Variants in CFTR observed in about 807,000 individuals in gnomAD.
CFTR encodes cystic fibrosis transmembrane conductance regulator.
In CFTR, 181 loss-of-function variants were observed where a neutral mutation model predicts 171.6. The ratio of observed to expected loss-of-function variants is 1.05; its 90% CI spans 0.93 to 1.19. CFTR has a LOEUF of 1.19. Ranked by LOEUF, CFTR falls within the 50% of genes most tolerant of loss-of-function variation. The pLI is 0.00. For missense variants in CFTR, 1,968 were observed against 1,734.7 expected (o/e 1.13, Z -2.39); for synonymous variants, 583 against 608.0 (o/e 0.96, Z 0.60).
intron 3 of CFTR, among the ~76,000 whole-genome samples, chr7:117,523,657 G>A (rs775865476): frequency 2.4e-4 from 36 of 152,100 alleles, no homozygotes; most frequent in Admixed American, 3.3e-4. Context: ...GATTACAGGC[G>A]TGAGCCACCG....
At chr7:117,626,422 A>G (rs1353772550) in intron 21 of CFTR, among the ~76,000 whole-genome samples, 2 of 152,246 alleles carry the variant, frequency 1.3e-5, no homozygotes, top group East Asian at 3.9e-4. Flanking sequence ...TGGTGTAAAT[A>G]AGATGATGTG....
chr7:117,589,010 A>G (rs1791988943), intron 12 of CFTR, among the ~76,000 whole-genome samples: 1 of 152,134 alleles, frequency 6.6e-6, no homozygotes, highest in African/African-American at 2.4e-5. Context: ...GATAGAGTAT[A>G]TGGCTTCTAG....
At chr7:117,621,613 A>C (rs947298732) in intron 21 of CFTR, among the ~76,000 whole-genome samples, 1 of 152,234 alleles carries the variant, frequency 6.6e-6, no homozygotes, top group African/African-American at 2.4e-5. Flanking sequence ...GATGAGGCTT[A>C]ATGACAGAGT....
At chr7:117,666,627 C>G (rs1793380429) in intron 26 of CFTR, among the ~76,000 whole-genome samples, 1 of 152,048 alleles carries the variant, frequency 6.6e-6, no homozygotes, top group South Asian at 2.1e-4. Flanking sequence ...TTATAAGGGA[C>G]CTAATATTTT....
intron 11 of CFTR, among the ~76,000 whole-genome samples, chr7:117,565,532 CGGGGTGGAGGGTT>C (rs1015796151): frequency 6.6e-6 from 1 of 150,836 alleles, no homozygotes; most frequent in Non-Finnish European, 1.5e-5. Context: ...ATAAGGGGTG[CGGGGTGGAGGGTT>C]GGGGTGGGGA....
At chr7:117,584,075 T>G (rs779201343) in intron 11 of CFTR, among the ~76,000 whole-genome samples, 1 of 152,170 alleles carries the variant, frequency 6.6e-6, no homozygotes, top group Non-Finnish European at 1.5e-5. Flanking sequence ...ATACTAGTCC[T>G]TTATCGGATG....
chr7:117,634,264 A>T (rs553637736), intron 22 of CFTR, among the ~76,000 whole-genome samples: 17 of 152,170 alleles, frequency 1.1e-4, no homozygotes, highest in African/African-American at 3.6e-4. Context: ...AAATATGTCA[A>T]CGTAGAGTTA....
At chr7:117,533,469 G>A (rs190010813) in intron 4 of CFTR, among the ~76,000 whole-genome samples, 253 of 152,150 alleles carry the variant, frequency 1.7e-3, no homozygotes, top group Non-Finnish European at 1.2e-3. Context: ...TTGAAGAAGG[G>A]ATTGTGTTTT....
intron 11 of CFTR, among the ~76,000 whole-genome samples, chr7:117,573,028 T>A (rs989826776): frequency 6.8e-6 from 1 of 147,912 alleles, no homozygotes; most frequent in Non-Finnish European, 1.5e-5. Context: ...AATGTAACAC[T>A]CCACCCTTTC....
At chr7:117,588,701 C>T (rs954362609) in intron 12 of CFTR, among the ~76,000 whole-genome samples, 2 of 152,028 alleles carry the variant, frequency 1.3e-5, no homozygotes, top group Admixed American at 6.6e-5. Flanking sequence ...GTATGTAATC[C>T]CCTTACAGCT....
intron 1 of CFTR, among the ~76,000 whole-genome samples, chr7:117,487,454 C>T (rs1050445087): frequency 1.1e-4 from 16 of 152,024 alleles, no homozygotes; most frequent in East Asian, 1.9e-4. Context: ...TTTCACATCA[C>T]GGGACACAAC....
At chr7:117,508,914 A>T in intron 2 of CFTR, 120 bp from the exon 3 acceptor site, 1 of 741,790 alleles carries the variant, frequency 1.3e-6, no homozygotes, top group South Asian at 1.5e-5. Context: ...TTTTGTCTCT[A>T]TAATACTTGG....
In CFTR at chr7:117,530,992, C is replaced by G; in HGVS notation, c.367C>G (p.Leu123Val). ...NKEERSIAIYLGIGLCLLFIV... is the reference protein window; with the variant it reads ...NKEERSIAIYVGIGLCLLFIV... The stretch of plus-strand genomic sequence containing the variant: ...GGAGGAACGCTCTATCGCGATTTAT[C>G]TAGGCATAGGCTTATGCCTTCTCTT... The change falls in exon 4 of 27, where the codon CTA (leucine) becomes GTA (valine). Residue 123 changes from leucine to valine, a missense_variant. Leu to Val is a conservative substitution (Grantham distance 32, BLOSUM62 1). Transcript: ENST00000003084. 3.7e-6 allele frequency: 6 copies of G among 1,613,318 alleles called. No homozygotes were observed. Among genetic ancestry groups the G allele is most frequent in the Non-Finnish European group, 5.1e-6 (6 of 1,179,370 alleles).
chr7:117,496,109 G>A (rs1045559873), intron 1 of CFTR, among the ~76,000 whole-genome samples: 4 of 152,022 alleles, frequency 2.6e-5, no homozygotes, highest in African/African-American at 7.2e-5. Context: ...GAAATTTTAT[G>A]TAAATAGAAC....
chr7:117,496,198 G>A (rs6944750), intron 1 of CFTR, among the ~76,000 whole-genome samples: 2,192 of 151,934 alleles, frequency 0.014, 55 homozygotes, highest in African/African-American at 0.05. Context: ...GTGTATCAGT[G>A]CATCATTCTT....
intron 11 of CFTR, among the ~76,000 whole-genome samples, chr7:117,560,195 T>C (rs959257766): frequency 6.6e-6 from 1 of 152,098 alleles, no homozygotes; most frequent in Non-Finnish European, 1.5e-5. Context: ...TGCAATTCTT[T>C]GATGCAGAGG....
chr7:117,491,304 T>C (rs1426243842), intron 1 of CFTR, among the ~76,000 whole-genome samples: 1 of 152,030 alleles, frequency 6.6e-6, no homozygotes, highest in Non-Finnish European at 1.5e-5. Flanking sequence ...CATAACTGTA[T>C]CTTAAATACT....
At chr7:117,587,129 A>G (rs527919992) in intron 11 of CFTR, among the ~76,000 whole-genome samples, 3 of 152,146 alleles carry the variant, frequency 2.0e-5, no homozygotes, top group African/African-American at 7.2e-5. Context: ...AAAGGATGAC[A>G]GGAGGGGCAG....
intron 20 of CFTR, 26 bp from the exon 21 acceptor site, chr7:117,614,587 C>T: frequency 7.0e-7 from 1 of 1,419,710 alleles, no homozygotes; most frequent in African/African-American, 1.4e-5. Context: ...ACATGAGGTT[C>T]ATTTACGTCT....
Sources: allele counts gnomAD v4.1 joint callset (sites outside exome capture counted in the v4.1 genomes callset), GRCh38; gene constraint gnomAD v4.1.1; transcripts MANE v1.5; gene names NCBI Gene and HGNC (gene_info 2026-07-23, HGNC 2026-07-21).